Variants in GPC5 observed in about 807,000 individuals in gnomAD.
GPC5 encodes glypican 5, also known as glypican-5.
In GPC5, 47 loss-of-function variants were observed where a neutral mutation model predicts 53.9. The ratio of observed to expected loss-of-function variants is 0.87; its 90% CI spans 0.69 to 1.11. The LOEUF (loss-of-function observed/expected upper bound fraction) is 1.11. Ranked by LOEUF, GPC5 falls within the 50% of genes most tolerant of loss-of-function variation. The pLI is 0.00. For missense variants in GPC5, 748 were observed against 713.1 expected, an observed-to-expected ratio of 1.05 and a Z score of -0.56; for synonymous variants, 286 against 263.3, an observed-to-expected ratio of 1.09 and a Z score of -0.84.
At chr13:91,984,684 A>G (rs1025856366) in intron 6 of GPC5, among the ~76,000 whole-genome samples, 3 of 152,134 alleles carry the variant, frequency 2.0e-5, no homozygotes, top group African/African-American at 7.2e-5. Context: ...TACCTTAGTA[A>G]TTTCAATATT....
chr13:92,753,147 G>A (rs1387823072), intron 7 of GPC5, among the ~76,000 whole-genome samples: 1 of 152,152 alleles, frequency 6.6e-6, no homozygotes, highest in Non-Finnish European at 1.5e-5. Flanking sequence ...ATCTGAGAAT[G>A]GGCAGACTGC....
At chr13:92,258,552 GC>G (rs1299909698) in intron 7 of GPC5, among the ~76,000 whole-genome samples, 1 of 152,080 alleles carries the variant, frequency 6.6e-6, no homozygotes, top group Non-Finnish European at 1.5e-5. Flanking sequence ...TATAACTAGT[GC>G]AAAGGTAAAA....
intron 2 of GPC5, among the ~76,000 whole-genome samples, chr13:91,613,114 AATTAG>A (rs575569392): frequency 4.3e-4 from 66 of 152,330 alleles, no homozygotes; most frequent in Non-Finnish European, 1.8e-4. Context: ...GTGTGGATTA[AATTAG>A]AAGTCTAAGG....
chr13:92,068,340 G>A (rs2041183255), intron 6 of GPC5, among the ~76,000 whole-genome samples: 1 of 151,750 alleles, frequency 6.6e-6, no homozygotes, highest in Admixed American at 6.6e-5. Context: ...GGTAGTGTAA[G>A]GAAATAAAAT....
At chr13:92,536,836 AAAG>A (rs1881740109) in intron 7 of GPC5, among the ~76,000 whole-genome samples, 1 of 152,222 alleles carries the variant, frequency 6.6e-6, no homozygotes, top group Middle Eastern at 3.4e-3. Context: ...ATGATAGAAA[AAAG>A]AGTCAAATAC....
At chr13:92,538,755 T>C in intron 7 of GPC5, among the ~76,000 whole-genome samples, 1 of 91,310 alleles carries the variant, frequency 1.1e-5, no homozygotes, top group Non-Finnish European at 2.2e-5. Context: ...GAATGATGGT[T>C]TCCAGCTTCA....
intron 7 of GPC5, among the ~76,000 whole-genome samples, chr13:92,680,569 G>A (rs544274941): frequency 6.6e-6 from 1 of 152,280 alleles, no homozygotes; most frequent in East Asian, 1.9e-4. Context: ...AAAGGTAGAT[G>A]ACTAGAACTG....
chr13:92,238,474 T>C (rs2042586234), intron 7 of GPC5, among the ~76,000 whole-genome samples: 3 of 152,118 alleles, frequency 2.0e-5, no homozygotes, highest in Admixed American at 6.5e-5. Context: ...ATTGTTCATG[T>C]GCTTACTGGC....
At chr13:92,644,892 A>G (rs1319864067) in intron 7 of GPC5, among the ~76,000 whole-genome samples, 3 of 151,468 alleles carry the variant, frequency 2.0e-5, no homozygotes, top group Non-Finnish European at 4.4e-5. Flanking sequence ...AAAAAAATGG[A>G]AGGAGGTGAG....
intron 2 of GPC5, among the ~76,000 whole-genome samples, chr13:91,456,909 G>GTAAATGTTTTAATGCAATAT (rs1218718673): frequency 1.3e-5 from 2 of 150,686 alleles, no homozygotes; most frequent in Non-Finnish European, 2.9e-5. Flanking sequence ...TTTCTATGCA[G>GTAAATGTTTTAATGCAATAT]TAAAATGTTT....
intron 7 of GPC5, among the ~76,000 whole-genome samples, chr13:92,616,283 C>A (rs1324282541): frequency 6.6e-6 from 1 of 152,108 alleles, no homozygotes; most frequent in African/African-American, 2.4e-5. Context: ...TTTGTGCTTC[C>A]ACTATAGAAA....
chr13:92,848,088 C>T (rs1349062555), intron 7 of GPC5, among the ~76,000 whole-genome samples: 1 of 152,164 alleles, frequency 6.6e-6, no homozygotes, highest in East Asian at 1.9e-4. Context: ...GGCTCTGTAA[C>T]CTACTCTCCA....
intron 6 of GPC5, among the ~76,000 whole-genome samples, chr13:92,108,719 A>T (rs555126516): frequency 6.6e-6 from 1 of 152,292 alleles, no homozygotes; most frequent in East Asian, 1.9e-4. Context: ...CTAAATCTAT[A>T]TGTAGAAACA....
intron 7 of GPC5, among the ~76,000 whole-genome samples, chr13:92,661,292 TC>T (rs958259379): frequency 2.7e-5 from 4 of 149,714 alleles, no homozygotes; most frequent in African/African-American, 9.9e-5. Flanking sequence ...AGACCCTCTC[TC>T]AAAAAAAAAC....
At chr13:92,219,108 G>C (rs2042431311) in intron 7 of GPC5, among the ~76,000 whole-genome samples, 1 of 151,998 alleles carries the variant, frequency 6.6e-6, no homozygotes, top group Admixed American at 6.6e-5. Flanking sequence ...CTCCCATTGT[G>C]TTGAGTATGG....
At chr13:92,468,038 T>A (rs1878766690) in intron 7 of GPC5, among the ~76,000 whole-genome samples, 1 of 151,952 alleles carries the variant, frequency 6.6e-6, no homozygotes, top group African/African-American at 2.4e-5. Context: ...CTTTCCCACC[T>A]TTTTTTTCTG....
chr13:91,592,244 T>C (rs1282531306), intron 2 of GPC5, among the ~76,000 whole-genome samples: 2 of 152,184 alleles, frequency 1.3e-5, no homozygotes, highest in African/African-American at 4.8e-5. Context: ...ATCCAGTAGA[T>C]GGCACTTTAA....
At chr13:91,407,974 G>C (rs1056929609) in intron 1 of GPC5, among the ~76,000 whole-genome samples, 1 of 152,060 alleles carries the variant, frequency 6.6e-6, no homozygotes, top group South Asian at 2.1e-4. Context: ...ATGGTTTGAA[G>C]CACAGTACAG....
chr13:92,656,081 A>G (rs1294443893), intron 7 of GPC5, among the ~76,000 whole-genome samples: 1 of 152,196 alleles, frequency 6.6e-6, no homozygotes, highest in Non-Finnish European at 1.5e-5. Flanking sequence ...AAAAAGAGTT[A>G]TATCATGTTC....
Sources: allele counts gnomAD v4.1 joint callset (sites outside exome capture counted in the v4.1 genomes callset), GRCh38; gene constraint gnomAD v4.1.1; transcripts MANE v1.5; gene names NCBI Gene and HGNC (gene_info 2026-07-23, HGNC 2026-07-21).